Variants in ZMIZ2 observed in about 807,000 individuals in gnomAD.
The protein encoded by ZMIZ2 is zinc finger MIZ-type containing 2.
ZMIZ2 carries 26 observed loss-of-function variants against 93.9 expected under a neutral mutation model. The ratio of observed to expected loss-of-function variants is 0.28; its 90% CI spans 0.20 to 0.38. ZMIZ2 has a LOEUF of 0.38. Among genes scored for constraint, ZMIZ2 ranks in the 10% least tolerant of loss-of-function variants. The probability of loss-of-function intolerance (pLI) is 1.00; values close to 1 mark genes in which losing one functional copy is unlikely to be tolerated. For missense variants in ZMIZ2, 1,023 were observed against 1,235.0 expected, an observed-to-expected ratio of 0.83 and a Z score of 2.57; for synonymous variants, 485 against 516.4, an observed-to-expected ratio of 0.94 and a Z score of 0.82.
intron 7 of ZMIZ2, 168 bp from the exon 8 acceptor site, chr7:44,759,982 AT>A: frequency 4.1e-6 from 3 of 728,316 alleles, no homozygotes; most frequent in East Asian, 2.8e-5. Context: ...CTGTTTGATC[AT>A]TTTCCTCTGT....
intron 3 of ZMIZ2, 28 bp downstream of exon 3, chr7:44,756,567 G>A (rs201936829): frequency 7.5e-6 from 12 of 1,609,770 alleles, no homozygotes; most frequent in Non-Finnish European, 1.0e-5. Flanking sequence ...CCCCACCCCC[G>A]AGCAGACAGA....
chr7:44,760,579 A>G lies in ZMIZ2; in HGVS notation c.1226A>G (p.His409Arg). ...CTCAAGCCCAACCTCAACTCCTTGC[A>G]CTCATCGCCCTCTGGTAAGTCTGTC... ...PDLKPNLNSLHSSPSGSGPCD... is the reference protein window; with the variant it reads ...PDLKPNLNSLRSSPSGSGPCD... Residue 409 changes from histidine to arginine, a missense_variant, in exon 9 of 19, where the codon CAC becomes CGC. Transcript: ENST00000309315. 6.2e-7 allele frequency: 1 copy of G among 1,613,690 alleles called. No homozygotes were observed. The highest frequency in any genetic ancestry group is 8.5e-7 in the Non-Finnish European group (1 of 1,179,938).
intron 11 of ZMIZ2, 56 bp from the exon 12 acceptor site, chr7:44,762,825 G>A (rs1315276103): frequency 6.8e-7 from 1 of 1,480,472 alleles, no homozygotes; most frequent in South Asian, 1.3e-5. Flanking sequence ...CCTTTACCTG[G>A]CCAGGGTGGC....
intron 8 of ZMIZ2, 47 bp downstream of exon 8, chr7:44,760,275 G>A: frequency 6.3e-7 from 1 of 1,587,866 alleles, no homozygotes; most frequent in Non-Finnish European, 8.6e-7. Context: ...CACAGGGTGG[G>A]CATATGGAGA....
rs1791407155 is a variant in ZMIZ2, at chr7:44,763,522, G to A, written c.1860+109G>A. 3 of 1,468,354 alleles carry A rather than the reference G, an allele frequency of 2.0e-6. No individual in the cohort carries two copies. The highest frequency in any genetic ancestry group is 2.8e-6 in the Non-Finnish European group (3 of 1,090,636). 91.0% of individuals were successfully genotyped at this position (1,468,354 alleles called of 1,614,324 possible). ...GACGTGAACTCCGAGTGCCTTGGCTGTCAGGCTGACAGGACAGGCCTCCCA... is the reference window on the plus strand; with the variant it reads ...GACGTGAACTCCGAGTGCCTTGGCTATCAGGCTGACAGGACAGGCCTCCCA... On this transcript the variant is annotated intron_variant, in intron 13 of 18. Transcript: ENST00000309315. The surrounding 1 kb of genome is among the most constrained non-coding windows in gnomAD (Gnocchi z 5.6).
chr7:44,761,284 G>A lies in ZMIZ2; in HGVS notation c.1241-165G>A. The A allele has an allele frequency of 1.5e-6, 1 of 662,300 alleles. No individual in the cohort carries two copies. Among genetic ancestry groups the A allele is most frequent in the Non-Finnish European group, 1.9e-6 (1 of 535,166 alleles). The allele number at this position is 662,300 out of a possible 1,614,324, so 41.0% of individuals were successfully genotyped here. The stretch of plus-strand genomic sequence containing the variant: ...AGGAGAGATGCTGCCCATGGCCCCA[G>A]CCCCAGGGCACCACTCAGGCCTGCC... On this transcript the variant is annotated intron_variant, in intron 9 of 18. Coordinates refer to ENST00000309315, the MANE Select transcript of ZMIZ2 (RefSeq NM_031449.4). The surrounding 1 kb of genome is among the most constrained non-coding windows in gnomAD (Gnocchi z 5.8).
At position 44,757,954 on chromosome 7, in the gene ZMIZ2, G is replaced by T. The variant is rs1050118671; in HGVS notation, c.659G>T (p.Gly220Val). 1.9e-6 allele frequency: 3 copies of T among 1,612,154 alleles called. No homozygotes were observed. Among genetic ancestry groups the T allele is most frequent in the Non-Finnish European group, 2.5e-6 (3 of 1,179,084 alleles). ...CCTACTGGCATAGGAGGGGTAATGG[G>T]CCCCTCTGGCCTCTCCCCCTTGGCT... ...MNPTGIGGVM[G>V]PSGLSPLAMN... The change falls in exon 6 of 19, where the codon GGC becomes GTC. Residue 220 changes from glycine to valine, a missense_variant. Physicochemically the swap from Gly to Val is moderately radical, Grantham distance 109. This residue lies in a region of ZMIZ2 where 656 missense variants were observed against 777.1 expected (regional missense o/e 0.84). Coordinates refer to ENST00000309315, the MANE Select transcript of ZMIZ2 (RefSeq NM_031449.4).
rs753030298 is a variant in ZMIZ2 at position 44,756,290 on chromosome 7, C to T, written c.41C>T (p.Ala14Val). Residue 14 changes from alanine (A) to valine (V), a missense_variant, in exon 2 of 19, where the codon GCG becomes GTG. This residue lies in a region of ZMIZ2 where 656 missense variants were observed against 777.1 expected (regional missense o/e 0.84). Transcript: ENST00000309315. ...MNPMKPALPP[A>V]PHGDGSFAYE... ...CCCATGAAACCTGCCCTGCCCCCTGCGCCACACGGGTGAGTGTGGGCTCCT... is the reference window on the plus strand; with the variant it reads ...CCCATGAAACCTGCCCTGCCCCCTGTGCCACACGGGTGAGTGTGGGCTCCT... 3.5e-5 allele frequency: 56 copies of T among 1,613,902 alleles called. No homozygotes were observed. Among genetic ancestry groups the T allele is most frequent in the East Asian group, 4.5e-5 (2 of 44,888 alleles).
intron 1 of ZMIZ2, among the ~76,000 whole-genome samples, chr7:44,750,501 A>G (rs753663395): frequency 1.3e-5 from 2 of 152,090 alleles, no homozygotes; most frequent in African/African-American, 4.8e-5. Flanking sequence ...TGACCCTGCA[A>G]TCTTGGAGAC....
Position 44,765,950 on chromosome 7 carries a change from G to A in ZMIZ2, c.2243-214G>A, listed in dbSNP as rs1046380424. Reference sequence around the variant, plus strand: ...GGCTGCTCCCATTCCTATAACCTCCGAGACCTTCACTCCTAGGAATGTCCC... The same window carrying A: ...GGCTGCTCCCATTCCTATAACCTCCAAGACCTTCACTCCTAGGAATGTCCC... On this transcript the variant is annotated intron_variant, in intron 16 of 18. Transcript: ENST00000309315. The surrounding 1 kb of genome is among the most constrained non-coding windows in gnomAD (Gnocchi z 4.1). The A allele has an allele frequency of 1.0e-5, 14 of 1,400,458 alleles. No homozygotes were observed. The highest frequency in any genetic ancestry group is 1.8e-4 in the Middle Eastern group (1 of 5,448). 86.8% of individuals were successfully genotyped at this position (1,400,458 alleles called of 1,614,324 possible). A position where few individuals can be genotyped will look rare whatever the true frequency, so the allele number is the denominator to read the frequency against.
chr7:44,762,570 G>T (rs1344291398), intron 11 of ZMIZ2, among the ~76,000 whole-genome samples: 1 of 152,226 alleles, frequency 6.6e-6, no homozygotes, highest in East Asian at 1.9e-4. Context: ...GAACGTTCAA[G>T]GGGACTTGAG....
In ZMIZ2 at chr7:44,763,079, C is replaced by CCTTGTGG; in HGVS notation, c.1702+93_1702+94insCTTGTGG. The CCTTGTGG allele has an allele frequency of 6.9e-7, 1 of 1,450,490 alleles. No individual in the cohort carries two copies. The allele number at this position is 1,450,490 out of a possible 1,614,324, so 89.9% of individuals were successfully genotyped here. A position where few individuals can be genotyped will look rare whatever the true frequency, so the allele number is the denominator to read the frequency against. On this transcript the variant is annotated intron_variant, in intron 12 of 18. Coordinates refer to ENST00000309315, the MANE Select transcript of ZMIZ2 (RefSeq NM_031449.4). This position sits in a 1 kb window ranked among gnomAD's most constrained non-coding sequence, Gnocchi z 5.6. The stretch of plus-strand genomic sequence containing the variant: ...CCTCCTTGTGGGCACCTCCTCGTGT[C>CCTTGTGG]ACACCAGGCCTTCTCCTTGGACAGG...
rs1454003148 is a variant in ZMIZ2, at chr7:44,758,046, T to A, written c.751T>A (p.Tyr251Asn). 6.2e-7 allele frequency: 1 copy of A among 1,608,138 alleles called. No individual in the cohort carries two copies. The highest frequency in any genetic ancestry group is 8.5e-7 in the Non-Finnish European group (1 of 1,177,412). ...YAGQRLPQHG[Y>N]PGPPQAQPLP... ...AGGGCAGCGTCTGCCCCAACATGGG[T>A]ATCCTGGGCCTCCCCAGGCCCAGCC... Residue 251 changes from tyrosine (Y) to asparagine (N), a missense_variant, in exon 6 of 19, where the codon TAT (tyrosine) becomes AAT (asparagine). Tyr to Asn is a moderately radical substitution (Grantham distance 143). Transcript: ENST00000309315.
At position 44,756,269 on chromosome 7, in the gene ZMIZ2, T is replaced by C. The variant is rs200135812; in HGVS notation, c.20T>C (p.Met7Thr). 25 of 1,614,012 alleles carry C rather than the reference T, an allele frequency of 1.5e-5. No homozygotes were observed. The highest frequency in any genetic ancestry group is 8.9e-5 in the East Asian group (4 of 44,864). Reference protein sequence around the residue: MNSMNPMKPALPPAPHG... With the variant: MNSMNPTKPALPPAPHG... Reference sequence around the variant, plus strand: ...TTGCCAATGAACTCCATGAACCCCATGAAACCTGCCCTGCCCCCTGCGCCA... The same window carrying C: ...TTGCCAATGAACTCCATGAACCCCACGAAACCTGCCCTGCCCCCTGCGCCA... The change falls in exon 2 of 19, where the codon ATG becomes ACG. Residue 7 changes from methionine (M) to threonine (T), a missense_variant. Physicochemically the swap from Met to Thr is moderately conservative, Grantham distance 81. Coordinates refer to ENST00000309315, the MANE Select transcript of ZMIZ2 (RefSeq NM_031449.4).
At chr7:44,756,612 C>T in intron 3 of ZMIZ2, 73 bp downstream of exon 3, 1 of 1,506,738 alleles carries the variant, frequency 6.6e-7, no homozygotes, top group South Asian at 1.1e-5. Flanking sequence ...AGTGCCTCCT[C>T]AGAGCTCTGA....
Position 44,765,648 on chromosome 7 carries a change from C to T in ZMIZ2, c.2242+69C>T, listed in dbSNP as rs1791635379. The T allele has an allele frequency of 1.3e-6, 2 of 1,544,708 alleles. No homozygotes were observed. The highest frequency in any genetic ancestry group is 2.7e-5 in the African/African-American group (2 of 73,882). On this transcript the variant is annotated intron_variant, in intron 16 of 18. Transcript: ENST00000309315. This position sits in a 1 kb window ranked among gnomAD's most constrained non-coding sequence, Gnocchi z 4.1. ...ATATGGCTCCTCTCCCCAGATCAGT[C>T]TCCTCACCTGCAAGAATGTGGCTAT...
At chr7:44,762,263 G>C (rs1052834293) in intron 11 of ZMIZ2, among the ~76,000 whole-genome samples, 2 of 152,220 alleles carry the variant, frequency 1.3e-5, no homozygotes, top group African/African-American at 4.8e-5. Context: ...ATATACCCTA[G>C]CTGTTTTCCA....
chr7:44,761,713 A>G lies in ZMIZ2; in HGVS notation c.1404A>G (p.Gln468=), dbSNP rs948815746. The G allele has an allele frequency of 2.5e-6, 4 of 1,614,016 alleles. No homozygotes were observed. Among genetic ancestry groups the G allele is most frequent in the South Asian group, 1.1e-5 (1 of 91,084 alleles). Residue 468 remains glutamine, a synonymous_variant, in exon 11 of 19, where the codon CAA becomes CAG. Coordinates refer to ENST00000309315, the MANE Select transcript of ZMIZ2 (RefSeq NM_031449.4). This position sits in a 1 kb window ranked among gnomAD's most constrained non-coding sequence, Gnocchi z 5.8. Reference sequence around the variant, plus strand: ...TGAGCAGGCCTGACCTGGAGCTGCAATTCAAGTGCTACCACCACGAGGACC... The same window carrying G: ...TGAGCAGGCCTGACCTGGAGCTGCAGTTCAAGTGCTACCACCACGAGGACC... ...TLIMRPDLEL[Q]FKCYHHEDRQ...
Position 44,756,958 on chromosome 7 carries a change from C to G in ZMIZ2, c.177C>G (p.Asn59Lys), listed in dbSNP as rs1000402711. ...GNATQSQVLG[N>K]PMGPAGSPSG... Reference sequence around the variant, plus strand: ...CTGCTTCCTCATAGGTTTTGGGGAACCCCATGGGCCCTGCAGGGAGTCCCT... The same window carrying G: ...CTGCTTCCTCATAGGTTTTGGGGAAGCCCATGGGCCCTGCAGGGAGTCCCT... Residue 59 changes from asparagine (N) to lysine (K), a missense_variant, in exon 4 of 19, where the codon AAC becomes AAG. This residue lies in a region of ZMIZ2 where 656 missense variants were observed against 777.1 expected (regional missense o/e 0.84). Transcript: ENST00000309315. 4 of 1,609,550 alleles carry G rather than the reference C, an allele frequency of 2.5e-6. No individual in the cohort carries two copies. Among genetic ancestry groups the G allele is most frequent in the African/African-American group, 2.7e-5 (2 of 74,618 alleles).
Sources: gnomAD v4.1 joint callset for allele counts (sites outside exome capture counted in the v4.1 genomes callset) on GRCh38, gnomAD v4.1.1 for gene constraint, gnomAD v4.1.1 regional missense constraint, Gnocchi (gnomAD v3.1) non-coding constraint, MANE v1.5 for transcripts, NCBI Gene and HGNC (gene_info 2026-07-23, HGNC 2026-07-21) for gene names.